The following ZNF800 variants were observed in gnomAD, a reference collection of about 807,000 sequenced individuals.
ZNF800 encodes the protein zinc finger protein 800.
ZNF800 carries 13 observed loss-of-function variants against 59.5 expected under a neutral mutation model. The observed-to-expected ratio is 0.22, with a 90% CI of 0.14 to 0.35. The LOEUF (loss-of-function observed/expected upper bound fraction) is 0.35, where lower values mean the gene tolerates loss of function less well. Among genes scored for constraint, ZNF800 ranks in the 10% least tolerant of loss-of-function variants. ZNF800 has a pLI of 1.00. For synonymous variants in ZNF800, 266 were observed against 265.7 expected (o/e 1.00, Z -0.01); for missense variants, 621 against 783.7 (o/e 0.79, Z 2.48).
chr7:127,347,243 G>C (rs150828533), exon 2 of ZNF800: 109 of 152,522 alleles, frequency 7.1e-4, no homozygotes, highest in African/African-American at 2.5e-3. Flanking sequence ...GGAAGGAGGG[G>C]ACTGGATGTT....
chr7:127,365,578 G>A (rs1450806835), downstream of ZNF800, among the ~76,000 whole-genome samples: 2 of 152,036 alleles, frequency 1.3e-5, no homozygotes, highest in African/African-American at 2.4e-5. Flanking sequence ...ACTGTCCTGA[G>A]TTTTGCTATT....
chr7:127,376,474 C>G (rs192771193), intron 4 of ZNF800, among the ~76,000 whole-genome samples: 38 of 151,968 alleles, frequency 2.5e-4, no homozygotes, highest in Admixed American at 1.1e-3. Flanking sequence ...CACTGCCAGC[C>G]TCATCACACA....
At chr7:127,355,374 G>A (rs575862296) in intron 1 of ZNF800, among the ~76,000 whole-genome samples, 19 of 152,164 alleles carry the variant, frequency 1.2e-4, no homozygotes, top group African/African-American at 4.6e-4. Context: ...ATGCTGCAGG[G>A]TAAAACTGCT....
chr7:127,358,348 T>C (rs1453898125), intron 1 of ZNF800, among the ~76,000 whole-genome samples: 3 of 151,856 alleles, frequency 2.0e-5, no homozygotes, highest in African/African-American at 7.3e-5. Context: ...TCCTTTTCTG[T>C]AGTCTCATTG....
intron 1 of ZNF800, among the ~76,000 whole-genome samples, chr7:127,348,354 GA>G (rs1273600353): frequency 6.9e-6 from 1 of 144,920 alleles, no homozygotes; most frequent in African/African-American, 2.6e-5. Context: ...GAATAATTAT[GA>G]ATACCTACAA....
chr7:127,378,279 T>G (rs1393456842), intron 3 of ZNF800, among the ~76,000 whole-genome samples: 1 of 152,032 alleles, frequency 6.6e-6, no homozygotes, highest in Non-Finnish European at 1.5e-5. Flanking sequence ...TCTTTAAAAA[T>G]AAAAACAGCC....
chr7:127,364,431 C>T (rs919896781), intron 1 of ZNF800: 32 of 152,220 alleles, frequency 2.1e-4, no homozygotes, highest in African/African-American at 7.5e-4. Flanking sequence ...ACAGATTTCT[C>T]AGAAGCTTAC....
chr7:127,343,646 T>TGTAAA (rs1800006977), downstream of ZNF800, among the ~76,000 whole-genome samples: 1 of 151,950 alleles, frequency 6.6e-6, no homozygotes, highest in African/African-American at 2.4e-5. Flanking sequence ...CAATCTAGGT[T>TGTAAA]TTTAAGCTGA....
chr7:127,386,768 T>C (rs764286820), intron 2 of ZNF800, among the ~76,000 whole-genome samples: 11 of 152,332 alleles, frequency 7.2e-5, no homozygotes, highest in Non-Finnish European at 1.2e-4. Flanking sequence ...CTGTGAAATG[T>C]CCATAGGACA....
rs751252192 is a variant in ZNF800 at position 127,373,426 on chromosome 7, T to C, written c.1910A>G (p.Lys637Arg). 6.2e-7 allele frequency: 1 copy of C among 1,614,134 alleles called. No individual in the cohort carries two copies. The highest frequency in any genetic ancestry group is 2.2e-5 in the East Asian group (1 of 44,870). Reference protein sequence around the residue: ...FAKKTYLEHHKKTHKANASNS... With the variant: ...FAKKTYLEHHRKTHKANASNS... ...GGAAGCATTTGCCTTATGAGTTTTC[T>C]TATGATGTTCAAGGTAAGTCTTTTT... Residue 637 changes from lysine to arginine, a missense_variant, in exon 5 of 6, where the codon AAG (lysine) becomes AGG (arginine). Physicochemically the swap from Lys to Arg is conservative, Grantham distance 26. Around this residue, in one of 7 missense-constraint regions of ZNF800, gnomAD observed 94 missense variants for 108.5 expected, o/e 0.87. Transcript: ENST00000265827.
chr7:127,378,361 G>GC (rs1800849634), intron 3 of ZNF800, among the ~76,000 whole-genome samples: 1 of 152,034 alleles, frequency 6.6e-6, no homozygotes. Flanking sequence ...AGGTAAGGTG[G>GC]CAAAACTGAT....
At position 127,392,464 on chromosome 7, in the gene ZNF800, C is replaced by T. The variant is rs1398499747; in HGVS notation, c.-463G>A. 4 of 367,748 alleles carry T rather than the reference C, an allele frequency of 1.1e-5. No individual in the cohort carries two copies. The highest frequency in any genetic ancestry group is 2.1e-5 in the African/African-American group (1 of 47,670). The allele number at this position is 367,748 out of a possible 1,614,324, so 22.8% of individuals were successfully genotyped here. A position where few individuals can be genotyped will look rare whatever the true frequency, so the allele number is the denominator to read the frequency against. On this transcript the variant is annotated 5_prime_UTR_variant, in exon 1 of 6. Transcript: ENST00000265827. ...CCGGGGCAACGGCTGCCGCCGCAAC[C>T]CGGGTCCCACCAGCGCCGCTCCACC... is the stretch of plus-strand genomic sequence containing the variant.
chr7:127,353,521 A>G (rs1800210227), intron 1 of ZNF800, among the ~76,000 whole-genome samples: 1 of 152,228 alleles, frequency 6.6e-6, no homozygotes, highest in Admixed American at 6.5e-5. Flanking sequence ...ATATATTTTT[A>G]GTCTGATTAA....
intron 3 of ZNF800, among the ~76,000 whole-genome samples, chr7:127,380,358 T>C (rs940083541): frequency 9.2e-5 from 14 of 152,170 alleles, no homozygotes; most frequent in African/African-American, 3.1e-4. Flanking sequence ...AAAAAAACCT[T>C]CTCTAAAAAT....
intron 2 of ZNF800, among the ~76,000 whole-genome samples, chr7:127,387,623 G>A (rs1801177111): frequency 6.6e-6 from 1 of 152,132 alleles, no homozygotes; most frequent in African/African-American, 2.4e-5. Context: ...CACTTTGGGA[G>A]GCCAAGGCAG....
At chr7:127,358,877 A>C (rs890594115) in intron 1 of ZNF800, among the ~76,000 whole-genome samples, 4 of 152,136 alleles carry the variant, frequency 2.6e-5, no homozygotes, top group African/African-American at 9.6e-5. Flanking sequence ...AGACAGTGAA[A>C]TCTGAAGAAT....
intron 1 of ZNF800, among the ~76,000 whole-genome samples, chr7:127,358,182 C>T (rs1435238316): frequency 6.6e-6 from 1 of 151,918 alleles, no homozygotes; most frequent in African/African-American, 2.4e-5. Flanking sequence ...GCATTTCCCC[C>T]TGGAAAAGTG....
At chr7:127,357,990 TC>T (rs1365186391) in intron 1 of ZNF800, among the ~76,000 whole-genome samples, 5 of 152,026 alleles carry the variant, frequency 3.3e-5, no homozygotes, top group African/African-American at 1.2e-4. Flanking sequence ...TATTTATTCT[TC>T]CTGGTAATCC....
downstream of ZNF800, among the ~76,000 whole-genome samples, chr7:127,344,108 T>C (rs2116995347): frequency 6.6e-6 from 1 of 152,094 alleles, no homozygotes; most frequent in East Asian, 1.9e-4. Context: ...ATAAATATTA[T>C]AAAGGAAGAG....
Sources: allele counts gnomAD v4.1 joint callset (sites outside exome capture counted in the v4.1 genomes callset), GRCh38; gene constraint gnomAD v4.1.1; regional missense constraint gnomAD v4.1.1; transcripts MANE v1.5; gene names NCBI Gene and HGNC (gene_info 2026-07-23, HGNC 2026-07-21).